IGSF9B: variants seen among roughly 807,000 people sequenced by gnomAD.
IGSF9B encodes immunoglobulin superfamily member 9B, also known as protein turtle homolog B.
In IGSF9B, 48 loss-of-function variants were observed where a neutral mutation model predicts 143.7. The ratio of observed to expected loss-of-function variants is 0.33; its 90% CI spans 0.26 to 0.42. The LOEUF is 0.42. Ranked by LOEUF, IGSF9B falls within the 20% of genes least tolerant of loss-of-function variation. IGSF9B has a pLI of 1.00. For synonymous variants in IGSF9B, 903 were observed against 833.1 expected (o/e 1.08, Z -1.44); for missense variants, 1,706 against 1,980.0 (o/e 0.86, Z 2.63).
Position 133,931,336 on chromosome 11 carries a change from G to A in IGSF9B, c.1368+117C>T. ...GGTCCAGAATAGAACTGCTCGCTGG[G>A]CCCTCACACCTCCCCTCAGCCCCGG... On this transcript the variant is annotated intron_variant, in intron 10 of 19. Coordinates refer to ENST00000533871, the MANE Select transcript of IGSF9B (RefSeq NM_001277285.4). This position sits in a 1 kb window ranked among gnomAD's most constrained non-coding sequence, Gnocchi z 7.7. 1 of 854,004 alleles carries A rather than the reference G, an allele frequency of 1.2e-6. No homozygotes were observed. The highest frequency in any genetic ancestry group is 1.8e-6 in the Non-Finnish European group (1 of 544,336). The allele number at this position is 854,004 out of a possible 1,614,324, so 52.9% of individuals were successfully genotyped here.
chr11:133,921,121 C>T lies in IGSF9B; in HGVS notation c.2604G>A (p.Ser868=), dbSNP rs373988601. 6.2e-6 allele frequency: 10 copies of T among 1,613,634 alleles called. No homozygotes were observed. The African/African-American group carries it at 1.1e-4, about 17-fold the overall frequency. The change falls in exon 18 of 20, where the codon TCG becomes TCA. Residue 868 remains serine, a synonymous_variant. Coordinates refer to ENST00000533871, the MANE Select transcript of IGSF9B (RefSeq NM_001277285.4). The stretch of plus-strand genomic sequence containing the variant: ...AGCCCTCGATGCGCCTGCTCTTCAG[C>T]GAGGGCTCCATCTCGGCAGGGTCCA... ...FVMDPAEMEP[S]LKSRRIEGFP...
intron 5 of IGSF9B, among the ~76,000 whole-genome samples, chr11:133,936,717 C>T (rs1051364440): frequency 6.6e-6 from 1 of 152,156 alleles, no homozygotes; most frequent in Non-Finnish European, 1.5e-5. Flanking sequence ...GGCTGCTGCT[C>T]GGCACTCAGA....
rs569679911 is a variant in IGSF9B, at chr11:133,932,332, G to GCAGA, written c.968-123_968-120dup. On this transcript the variant is annotated intron_variant, in intron 7 of 19. Transcript: ENST00000533871. ...AGACACAGGGAAGCCAGGTGGGAGA[G>GCAGA]CAGACAGACAGACAGACAGACACAG... 475 of 1,047,004 alleles carry GCAGA rather than the reference G, an allele frequency of 4.5e-4. 1 individual carries two copies. Among genetic ancestry groups the GCAGA allele is most frequent in the African/African-American group, 1.6e-3 (98 of 62,550 alleles). 64.9% of individuals were successfully genotyped at this position (1,047,004 alleles called of 1,614,324 possible). A position where few individuals can be genotyped will look rare whatever the true frequency, so the allele number is the denominator to read the frequency against.
chr11:133,936,666 G>A (rs1939829650), intron 5 of IGSF9B, among the ~76,000 whole-genome samples: 1 of 152,160 alleles, frequency 6.6e-6, no homozygotes, highest in Non-Finnish European at 1.5e-5. Context: ...CCCCTGAGAG[G>A]GAACAGCTTC....
intron 15 of IGSF9B, among the ~76,000 whole-genome samples, chr11:133,924,052 T>G (rs938470743): frequency 2.0e-5 from 3 of 152,224 alleles, no homozygotes; most frequent in Non-Finnish European, 4.4e-5. Flanking sequence ...CCCTGCAGTG[T>G]GCCCACACCA....
In IGSF9B at chr11:133,908,830, T is replaced by C; in HGVS notation, c.*239A>G. 1.4e-5 allele frequency: 7 copies of C among 502,160 alleles called. No individual in the cohort carries two copies. Among genetic ancestry groups the C allele is most frequent in the South Asian group, 9.5e-5 (3 of 31,478 alleles). The allele number at this position is 502,160 out of a possible 1,614,324, so 31.1% of individuals were successfully genotyped here. A position where few individuals can be genotyped will look rare whatever the true frequency, so the allele number is the denominator to read the frequency against. On this transcript the variant is annotated 3_prime_UTR_variant, in exon 20 of 20. Transcript: ENST00000533871. ...GGGGCGGAGGGGAGGAGACAGGTGT[T>C]GCCCAGTCTCCAATCCACTTCCTGA...
In IGSF9B at chr11:133,925,973, G is replaced by C. The variant is rs544151949; in HGVS notation, c.1808-8C>G. 1.3e-6 allele frequency: 2 copies of C among 1,569,588 alleles called. No individual in the cohort carries two copies. The highest frequency in any genetic ancestry group is 1.7e-6 in the Non-Finnish European group (2 of 1,154,156). On this transcript the variant is annotated splice_region_variant and splice_polypyrimidine_tract_variant and intron_variant, in intron 13 of 19. Transcript: ENST00000533871. ...GAGTTGTAATAGGGAATGCTGCGGC[G>C]GGGGAAGGAGAAGAACCACAGCGCA... is the stretch of plus-strand genomic sequence containing the variant.
At chr11:133,912,254 A>T (rs1047013713) in intron 18 of IGSF9B, 82 of 653,968 alleles carry the variant, frequency 1.3e-4, no homozygotes, top group Non-Finnish European at 6.5e-5. Flanking sequence ...CAATCAGAAG[A>T]CCCTAGCAAA....
Position 133,929,751 on chromosome 11 carries a change from C to T in IGSF9B, c.1551G>A (p.Arg517=). Reference sequence around the variant, plus strand: ...TGGCAGTTGTCATGGAGACCTGGACCCGGACACTGCCCGGGGCATGGGGGC... The same window carrying T: ...TGGCAGTTGTCATGGAGACCTGGACTCGGACACTGCCCGGGGCATGGGGGC... ...GTSPHAPGSV[R]VQVSMTTANV... The change falls in exon 12 of 20, where the codon CGG becomes CGA. Residue 517 remains arginine (R), a synonymous_variant. Transcript: ENST00000533871. 1.2e-6 allele frequency: 2 copies of T among 1,613,802 alleles called. No individual in the cohort carries two copies. The highest frequency in any genetic ancestry group is 1.7e-6 in the Non-Finnish European group (2 of 1,179,754).
chr11:133,950,078 T>G (rs1825876606), intron 1 of IGSF9B, among the ~76,000 whole-genome samples: 2 of 152,030 alleles, frequency 1.3e-5, no homozygotes, highest in South Asian at 4.1e-4. Flanking sequence ...AATCTCCTGC[T>G]CTCTGGGCCA....
At chr11:133,940,122 G>A (rs1040889200) in intron 3 of IGSF9B, among the ~76,000 whole-genome samples, 4 of 127,740 alleles carry the variant, frequency 3.1e-5, no homozygotes, top group Non-Finnish European at 6.3e-5. Context: ...CATACACCTC[G>A]CACGTCCTCG....
At position 133,953,948 on chromosome 11, in the gene IGSF9B, C is replaced by A. The variant is rs1421241474; in HGVS notation, c.64+2743G>T. Among the ~76,000 whole-genome samples, 2 of 152,196 alleles carry A rather than the reference C, an allele frequency of 1.3e-5. No individual in the cohort carries two copies. The highest frequency in any genetic ancestry group is 2.9e-5 in the Non-Finnish European group (2 of 68,042). ...ACACACTCAAAGTCAAAAGGAGGAG[C>A]CCATTCCAACCTCTGTCCCGCACCC... On this transcript the variant is annotated intron_variant, in intron 1 of 19. Transcript: ENST00000533871. This position sits in a 1 kb window ranked among gnomAD's most constrained non-coding sequence, Gnocchi z 4.2.
intron 3 of IGSF9B, among the ~76,000 whole-genome samples, chr11:133,938,413 G>A (rs920508676): frequency 2.0e-5 from 3 of 152,128 alleles, no homozygotes; most frequent in Non-Finnish European, 2.9e-5. Flanking sequence ...GCAGGCCAAG[G>A]CTACGCGGAA....
chr11:133,912,086 G>A, intron 18 of IGSF9B, 79 bp from the exon 19 acceptor site: 1 of 1,451,658 alleles, frequency 6.9e-7, no homozygotes, highest in Non-Finnish European at 9.1e-7. Flanking sequence ...AGAAAGCCAA[G>A]TAGCTGACCC....
rs551805650 is a variant in IGSF9B at position 133,927,040 on chromosome 11, C to A, written c.1683G>T (p.Pro561=). The stretch of plus-strand genomic sequence containing the variant: ...CCACCAGCAGCCAGCTGGGTCCTGG[C>A]GGCACTGGCAAGGACAGCCAGTCAT... The part of the protein sequence containing the change: ...GPHDWLSLPV[P]PGPSWLLVDT... The change falls in exon 13 of 20, where the codon CCG becomes CCT. Residue 561 remains proline, a synonymous_variant. Coordinates refer to ENST00000533871, the MANE Select transcript of IGSF9B (RefSeq NM_001277285.4). The A allele has an allele frequency of 6.4e-7, 1 of 1,564,640 alleles. No homozygotes were observed. Among genetic ancestry groups the A allele is most frequent in the Non-Finnish European group, 8.7e-7 (1 of 1,154,718 alleles).
rs979794961 is a variant in IGSF9B at position 133,921,208 on chromosome 11, G to A, written c.2517C>T (p.Ala839=). ...SKKYSVAKAE[A]EAEATTPIEL... is the part of the protein sequence containing the mutation. ...CGATGGGCGTGGTGGCCTCTGCCTC[G>A]GCCTCTGCCTTGGCCACGCTGTACT... Residue 839 remains alanine (A), a synonymous_variant, in exon 18 of 20, where the codon GCC becomes GCT. Transcript: ENST00000533871. 1.2e-5 allele frequency: 19 copies of A among 1,609,060 alleles called. No individual in the cohort carries two copies. The East Asian group carries it at 2.0e-4, about 17-fold the overall frequency.
chr11:133,930,993 T>G lies in IGSF9B; in HGVS notation c.1510A>C (p.Thr504Pro). ...CTTGCCGGCCACGTACCGATGACGG[T>G]GAGGTGGGTGCTGGCAGTGATGCTC... Reference protein sequence around the residue: ...VTSITASTHLTVIGTSPHAPG... With the variant: ...VTSITASTHLPVIGTSPHAPG... The change falls in exon 11 of 20, where the codon ACC (threonine) becomes CCC (proline). Residue 504 changes from threonine (T) to proline (P), a missense_variant. Around this residue, in one of 7 missense-constraint regions of IGSF9B, gnomAD observed 267 missense variants for 321.1 expected, o/e 0.83. Coordinates refer to ENST00000533871, the MANE Select transcript of IGSF9B (RefSeq NM_001277285.4). The G allele has an allele frequency of 6.2e-7, 1 of 1,611,114 alleles. No individual in the cohort carries two copies. Among genetic ancestry groups the G allele is most frequent in the Non-Finnish European group, 8.5e-7 (1 of 1,178,504 alleles).
chr11:133,950,210 G>C (rs552720232), intron 1 of IGSF9B, among the ~76,000 whole-genome samples: 1 of 152,242 alleles, frequency 6.6e-6, no homozygotes, highest in Non-Finnish European at 1.5e-5. Flanking sequence ...CCTCCGCCGG[G>C]GAAGGGCTGG....
Position 133,924,700 on chromosome 11 carries a change from G to T in IGSF9B, c.2119+120C>A, listed in dbSNP as rs143140230. On this transcript the variant is annotated intron_variant, in intron 15 of 19. Transcript: ENST00000533871. Reference sequence around the variant, plus strand: ...CTATGACTCACGCAGCTGCAACCAGGCACTGCCTTAGTTTCCAATCCAGCT... The same window carrying T: ...CTATGACTCACGCAGCTGCAACCAGTCACTGCCTTAGTTTCCAATCCAGCT... The T allele has an allele frequency of 1.7e-3, 1,368 of 789,924 alleles. 14 individuals carry two copies. The African/African-American group carries it at 0.018, about 10-fold the overall frequency. The allele number at this position is 789,924 out of a possible 1,614,324, so 48.9% of individuals were successfully genotyped here.
Sources: gnomAD v4.1 joint callset for allele counts (sites outside exome capture counted in the v4.1 genomes callset) on GRCh38, gnomAD v4.1.1 for gene constraint, gnomAD v4.1.1 regional missense constraint, Gnocchi (gnomAD v3.1) non-coding constraint, MANE v1.5 for transcripts, NCBI Gene and HGNC (gene_info 2026-07-23, HGNC 2026-07-21) for gene names.